Variants in MEGF10 observed in about 807,000 individuals in gnomAD.
MEGF10 encodes the protein multiple EGF like domains 10.
In MEGF10, 86 loss-of-function variants were observed where a neutral mutation model predicts 147.5. The ratio of observed to expected loss-of-function variants is 0.58; its 90% CI spans 0.49 to 0.70. The LOEUF (loss-of-function observed/expected upper bound fraction) is 0.70. Among genes scored for constraint, MEGF10 ranks in the 30% least tolerant of loss-of-function variants. MEGF10 has a pLI of 0.00. For missense variants in MEGF10, 1,329 were observed against 1,487.3 expected, an observed-to-expected ratio of 0.89 and a Z score of 1.75; for synonymous variants, 478 against 525.5, an observed-to-expected ratio of 0.91 and a Z score of 1.24.
At chr5:127,376,343 A>G (rs1423060705) in intron 5 of MEGF10, among the ~76,000 whole-genome samples, 1 of 152,150 alleles carries the variant, frequency 6.6e-6, no homozygotes, top group Non-Finnish European at 1.5e-5. Flanking sequence ...GAGGCTGGAG[A>G]CTGGGTTGAG....
At chr5:127,421,863 A>AT (rs1157923160) in intron 12 of MEGF10, among the ~76,000 whole-genome samples, 3 of 149,402 alleles carry the variant, frequency 2.0e-5, no homozygotes, top group African/African-American at 4.9e-5. Flanking sequence ...TAAATTATAA[A>AT]TTTTTTTATA....
intron 24 of MEGF10, among the ~76,000 whole-genome samples, chr5:127,456,263 A>G (rs867312469): frequency 3.3e-5 from 5 of 152,244 alleles, no homozygotes; most frequent in African/African-American, 1.2e-4. Context: ...AAACTTGTCC[A>G]AAAGAGCAGT....
chr5:127,442,791 G>A (rs1274716741), intron 18 of MEGF10, among the ~76,000 whole-genome samples: 1 of 152,192 alleles, frequency 6.6e-6, no homozygotes, highest in South Asian at 2.1e-4. Flanking sequence ...GAGCAGCCCT[G>A]TCTCTAGCCC....
chr5:127,247,916 T>G, the MEGF10 span, among the ~76,000 whole-genome samples: 1 of 151,120 alleles, frequency 6.6e-6, no homozygotes, highest in Non-Finnish European at 1.5e-5. Flanking sequence ...CTTCTTAGCT[T>G]TTTGGCTGAG....
the MEGF10 span, among the ~76,000 whole-genome samples, chr5:127,232,146 T>C: frequency 6.6e-6 from 1 of 152,226 alleles, no homozygotes; most frequent in Non-Finnish European, 1.5e-5. Context: ...ATATTTTTAT[T>C]TGCACATTTT....
intron 1 of MEGF10, among the ~76,000 whole-genome samples, chr5:127,294,693 G>C (rs927840514): frequency 2.6e-5 from 4 of 151,826 alleles, no homozygotes; most frequent in Non-Finnish European, 5.9e-5. Flanking sequence ...CAACTACTTG[G>C]GAGGCTGAGG....
At chr5:127,413,632 T>A (rs1251606510) in intron 9 of MEGF10, among the ~76,000 whole-genome samples, 1 of 152,378 alleles carries the variant, frequency 6.6e-6, no homozygotes, top group Non-Finnish European at 1.5e-5. Context: ...CAAAGCAATC[T>A]GTTCTTTAGA....
At chr5:127,442,399 G>A (rs907901519) in intron 18 of MEGF10, among the ~76,000 whole-genome samples, 3 of 152,068 alleles carry the variant, frequency 2.0e-5, no homozygotes, top group African/African-American at 7.2e-5. Context: ...TATTAAGACC[G>A]CATAGTAAGA....
At chr5:127,307,805 A>G (rs1393335504) in intron 1 of MEGF10, among the ~76,000 whole-genome samples, 4 of 152,226 alleles carry the variant, frequency 2.6e-5, no homozygotes, top group Non-Finnish European at 4.4e-5. Flanking sequence ...TGGCTTTAAA[A>G]ATTTTGTAAA....
Position 127,410,483 on chromosome 5 carries a change from G to A in MEGF10, c.1012G>A (p.Ala338Thr), listed in dbSNP as rs568794084. Residue 338 changes from alanine to threonine, a missense_variant, in exon 9 of 25, where the codon GCA becomes ACA. Ala to Thr is a moderately conservative substitution (Grantham distance 58). Around this residue, in one of 3 missense-constraint regions of MEGF10, gnomAD observed 980 missense variants for 1,085.9 expected, o/e 0.90. Coordinates refer to ENST00000503335, the MANE Select transcript of MEGF10 (RefSeq NM_001256545.2). ...AGGGAAGTGTTACCACGTGAGCGGC[G>A]CATGCCTCTGTGAAGCAGGCTTTGC... ...NGGKCYHVSG[A>T]CLCEAGFAGE... is the part of the protein sequence containing the mutation. 4.8e-5 allele frequency: 77 copies of A among 1,614,148 alleles called. No individual in the cohort carries two copies. Among genetic ancestry groups the A allele is most frequent in the Non-Finnish European group, 5.5e-5 (65 of 1,180,034 alleles).
chr5:127,384,327 A>G (rs145746664), intron 5 of MEGF10, among the ~76,000 whole-genome samples: 2,498 of 152,354 alleles, frequency 0.016, 19 homozygotes, highest in Middle Eastern at 0.024. Context: ...GAAAGAATAA[A>G]TGATCAACAG....
the MEGF10 span, among the ~76,000 whole-genome samples, chr5:127,236,683 T>A: frequency 6.6e-3 from 1,008 of 152,342 alleles, 12 homozygotes; most frequent in African/African-American, 0.023. Flanking sequence ...TTAAACTTAC[T>A]GTCTCCATCT....
At chr5:127,306,385 G>A (rs1193343946) in intron 1 of MEGF10, among the ~76,000 whole-genome samples, 2 of 152,272 alleles carry the variant, frequency 1.3e-5, no homozygotes, top group East Asian at 1.9e-4. Context: ...GCCAGGCGAG[G>A]TTTGTCACTG....
chr5:127,389,795 A>G (rs1298546212), intron 5 of MEGF10, among the ~76,000 whole-genome samples: 1 of 152,092 alleles, frequency 6.6e-6, no homozygotes, highest in African/African-American at 2.4e-5. Context: ...GAGGAGGGAG[A>G]GGATCAGAAA....
Position 127,420,028 on chromosome 5 carries a change from C to T in MEGF10, c.1427-16C>T, listed in dbSNP as rs750990210. On this transcript the variant is annotated splice_polypyrimidine_tract_variant and intron_variant, in intron 11 of 24. Coordinates refer to ENST00000503335, the MANE Select transcript of MEGF10 (RefSeq NM_001256545.2). ...GCCTTTGTTCGCTCACGTGCTCTGG[C>T]GTTCTTGTCGCACAGGCTGGCACGG... is the stretch of plus-strand genomic sequence containing the variant. The T allele has an allele frequency of 5.6e-6, 9 of 1,612,802 alleles. No individual in the cohort carries two copies. Among genetic ancestry groups the T allele is most frequent in the South Asian group, 2.2e-5 (2 of 90,894 alleles).
chr5:127,414,800 A>G (rs1428423416), intron 9 of MEGF10, among the ~76,000 whole-genome samples: 2 of 152,194 alleles, frequency 1.3e-5, no homozygotes, highest in Non-Finnish European at 2.9e-5. Flanking sequence ...GCCCTCCTGG[A>G]ACTCACAGTG....
chr5:127,362,578 A>G (rs146832085), intron 4 of MEGF10, among the ~76,000 whole-genome samples: 1,841 of 151,870 alleles, frequency 0.012, 34 homozygotes, highest in East Asian at 0.091. Flanking sequence ...GTTTGCCAGG[A>G]TGGTCTCCAT....
intron 1 of MEGF10, among the ~76,000 whole-genome samples, chr5:127,316,168 A>G (rs1405832616): frequency 2.0e-5 from 3 of 152,102 alleles, no homozygotes; most frequent in Non-Finnish European, 4.4e-5. Context: ...ATCTTGCTTT[A>G]TTACTTCCTG....
intron 1 of MEGF10, among the ~76,000 whole-genome samples, chr5:127,327,019 A>C (rs566766622): frequency 6.6e-6 from 1 of 152,342 alleles, no homozygotes; most frequent in African/African-American, 2.4e-5. Flanking sequence ...GCTTATCATC[A>C]GAACTAAGAC....
Sources: allele counts gnomAD v4.1 joint callset (sites outside exome capture counted in the v4.1 genomes callset), GRCh38; gene constraint gnomAD v4.1.1; regional missense constraint gnomAD v4.1.1; transcripts MANE v1.5; gene names NCBI Gene and HGNC (gene_info 2026-07-23, HGNC 2026-07-21).